CHRM3: variants seen among roughly 807,000 people sequenced by gnomAD.
The protein encoded by CHRM3 is cholinergic receptor muscarinic 3.
Under a neutral mutation model 41.8 loss-of-function variants are expected in CHRM3, and 11 were observed. The ratio of observed to expected loss-of-function variants is 0.26; its 90% CI spans 0.17 to 0.44. The LOEUF (loss-of-function observed/expected upper bound fraction) is 0.44, where lower values mean the gene tolerates loss of function less well. Among genes scored for constraint, CHRM3 ranks in the 20% least tolerant of loss-of-function variants. CHRM3 has a pLI of 1.00. For missense variants in CHRM3, 571 were observed against 745.4 expected (o/e 0.77, Z 2.72); for synonymous variants, 297 against 301.4 (o/e 0.99, Z 0.15).
intron 5 of CHRM3, among the ~76,000 whole-genome samples, chr1:239,682,726 G>A (rs1658688578): frequency 6.6e-6 from 1 of 151,716 alleles, no homozygotes; most frequent in African/African-American, 2.4e-5. Context: ...TGAGTTGATT[G>A]TTAAGGTTTG....
At chr1:239,697,887 ATAAAAG>A (rs1660343426) in intron 5 of CHRM3, among the ~76,000 whole-genome samples, 1 of 152,196 alleles carries the variant, frequency 6.6e-6, no homozygotes, top group Non-Finnish European at 1.5e-5. Flanking sequence ...TCTTCAAAAA[ATAAAAG>A]TAAAATAGGA....
intron 6 of CHRM3, among the ~76,000 whole-genome samples, chr1:239,832,691 C>A (rs1295774090): frequency 2.0e-5 from 3 of 151,796 alleles, no homozygotes; most frequent in African/African-American, 7.3e-5. Context: ...CACGTTCATC[C>A]TAGATCCAAT....
At chr1:239,422,367 T>A (rs563512790) in intron 1 of CHRM3, among the ~76,000 whole-genome samples, 4 of 152,226 alleles carry the variant, frequency 2.6e-5, no homozygotes, top group Non-Finnish European at 4.4e-5. Context: ...CAATAAATAA[T>A]CCTTCCTTTT....
Position 239,907,497 on chromosome 1 carries a change from A to G in CHRM3, c.46A>G (p.Ile16Val). The G allele has an allele frequency of 6.2e-7, 1 of 1,614,192 alleles. No individual in the cohort carries two copies. Among genetic ancestry groups the G allele is most frequent in the South Asian group, 1.1e-5 (1 of 91,082 alleles). ...NSTTSPLFPN[I>V]SSSWIHSPSD... ...TACAACCTCGCCTTTGTTTCCAAAC[A>G]TCAGCTCCTCCTGGATACACAGCCC... The change falls in exon 7 of 7, where the codon ATC becomes GTC. Residue 16 changes from isoleucine to valine, a missense_variant. By Grantham distance (29) the Ile-to-Val change is conservative. Coordinates refer to ENST00000676153, the MANE Select transcript of CHRM3 (RefSeq NM_001375978.1). The surrounding 1 kb of genome is among the most constrained non-coding windows in gnomAD (Gnocchi z 5.4).
chr1:239,760,547 AC>A (rs1666672880), intron 5 of CHRM3, among the ~76,000 whole-genome samples: 1 of 151,280 alleles, frequency 6.6e-6, no homozygotes, highest in Admixed American at 6.6e-5. Context: ...CCACCTACAC[AC>A]CTTTCCTTAC....
intron 5 of CHRM3, among the ~76,000 whole-genome samples, chr1:239,742,713 G>T (rs933139436): frequency 6.6e-6 from 1 of 152,236 alleles, no homozygotes. Context: ...AAGTTCTGTG[G>T]AATTCATTTA....
intron 2 of CHRM3, among the ~76,000 whole-genome samples, chr1:239,496,878 G>C (rs1667922375): frequency 6.6e-6 from 1 of 152,020 alleles, no homozygotes; most frequent in South Asian, 2.1e-4. Flanking sequence ...CACTTTCCCA[G>C]CCAGTCCTCC....
At chr1:239,574,467 A>C (rs1428643154) in intron 3 of CHRM3, among the ~76,000 whole-genome samples, 1 of 152,020 alleles carries the variant, frequency 6.6e-6, no homozygotes, top group Non-Finnish European at 1.5e-5. Context: ...TGCACTGGCC[A>C]GCTCCCTTAC....
At chr1:239,826,073 T>C (rs563701533) in intron 5 of CHRM3, among the ~76,000 whole-genome samples, 149 of 152,302 alleles carry the variant, frequency 9.8e-4, no homozygotes, top group Middle Eastern at 3.4e-3. Context: ...AGTTATTGTT[T>C]AGTGGATAAA....
At chr1:239,821,076 A>G (rs548836138) in intron 5 of CHRM3, among the ~76,000 whole-genome samples, 2 of 152,164 alleles carry the variant, frequency 1.3e-5, no homozygotes, top group Non-Finnish European at 2.9e-5. Flanking sequence ...GTGATGCGCC[A>G]TCCACAACAA....
chr1:239,845,252 G>A (rs1488058950), intron 6 of CHRM3, among the ~76,000 whole-genome samples: 1 of 152,168 alleles, frequency 6.6e-6, no homozygotes, highest in Non-Finnish European at 1.5e-5. Flanking sequence ...ATAAGAGGTA[G>A]CAAAACAGCA....
chr1:239,852,405 G>A (rs58812413), intron 6 of CHRM3, among the ~76,000 whole-genome samples: 10,068 of 152,138 alleles, frequency 0.066, 992 homozygotes, highest in African/African-American at 0.21. Context: ...TCATGATGAC[G>A]ATGACATGCT....
chr1:239,404,398 AAGAAAG>A (rs1660318644), intron 1 of CHRM3, among the ~76,000 whole-genome samples: 2 of 69,240 alleles, frequency 2.9e-5, no homozygotes, highest in Non-Finnish European at 5.5e-5. Context: ...GAAAGAAAGA[AAGAAAG>A]AAAGAAAAAG....
At chr1:239,721,754 T>A (rs143545908) in intron 5 of CHRM3, among the ~76,000 whole-genome samples, 1 of 151,916 alleles carries the variant, frequency 6.6e-6, no homozygotes, top group Non-Finnish European at 1.5e-5. Context: ...AAGAAGTCTT[T>A]ACTATATAAT....
In CHRM3 at chr1:239,840,707, G is replaced by A. The variant is rs74149240; in HGVS notation, c.-20+13329G>A. On this transcript the variant is annotated intron_variant, in intron 6 of 6. Coordinates refer to ENST00000676153, the MANE Select transcript of CHRM3 (RefSeq NM_001375978.1). ...AAGCCAAATCAAATGAAATCTTTAG[G>A]GCAATAGATATCTCATTTTTTGCAT... Among the ~76,000 whole-genome samples the A allele has an allele frequency of 4.2e-3, 632 of 152,096 alleles. 4 individuals carry two copies. Among genetic ancestry groups the A allele is most frequent in the African/African-American group, 0.014 (598 of 41,482 alleles).
chr1:239,596,958 A>G (rs890409474), intron 3 of CHRM3, among the ~76,000 whole-genome samples: 2 of 152,198 alleles, frequency 1.3e-5, no homozygotes, highest in Non-Finnish European at 2.9e-5. Flanking sequence ...AGAGGAAAGC[A>G]GAAGTCTGAA....
At chr1:239,589,438 T>C (rs1342763473) in intron 3 of CHRM3, among the ~76,000 whole-genome samples, 1 of 151,228 alleles carries the variant, frequency 6.6e-6, no homozygotes, top group East Asian at 2.0e-4. Flanking sequence ...CACATATTAG[T>C]GCATGGAAAT....
At chr1:239,506,172 C>G (rs569054980) in intron 2 of CHRM3, among the ~76,000 whole-genome samples, 1 of 152,264 alleles carries the variant, frequency 6.6e-6, no homozygotes, top group Non-Finnish European at 1.5e-5. Flanking sequence ...TTCAAGCCAG[C>G]TCCAGAAATT....
intron 6 of CHRM3, among the ~76,000 whole-genome samples, chr1:239,893,163 C>A (rs1020310995): frequency 6.6e-6 from 1 of 152,142 alleles, no homozygotes; most frequent in Admixed American, 6.5e-5. Context: ...AATATGTATA[C>A]ACACAGCGAG....
Sources: gnomAD v4.1 joint callset for allele counts (sites outside exome capture counted in the v4.1 genomes callset) on GRCh38, gnomAD v4.1.1 for gene constraint, Gnocchi (gnomAD v3.1) non-coding constraint, MANE v1.5 for transcripts, NCBI Gene and HGNC (gene_info 2026-07-23, HGNC 2026-07-21) for gene names.